The following SNTA1 variants were observed in gnomAD, a reference collection of about 807,000 sequenced individuals.
SNTA1 encodes alpha-1-syntrophin.
In SNTA1, 31 loss-of-function variants were observed where a neutral mutation model predicts 47.1. The ratio of observed to expected loss-of-function variants is 0.66; its 90% CI spans 0.49 to 0.89. The LOEUF (loss-of-function observed/expected upper bound fraction) is 0.89. Ranked by LOEUF, SNTA1 falls within the 40% of genes least tolerant of loss-of-function variation. The pLI is 0.00. For missense variants in SNTA1, 575 were observed against 693.0 expected (o/e 0.83, Z 1.91); for synonymous variants, 300 against 313.6 (o/e 0.96, Z 0.46).
At chr20:33,431,185 C>G (rs899814944) in intron 2 of SNTA1, among the ~76,000 whole-genome samples, 1 of 151,444 alleles carries the variant, frequency 6.6e-6, no homozygotes, top group Non-Finnish European at 1.5e-5. Flanking sequence ...CACTTGAGCC[C>G]AGGAAGTCGA....
Position 33,408,014 on chromosome 20 carries a change from G to A in SNTA1, c.*493C>T, listed in dbSNP as rs945341853. On this transcript the variant is annotated 3_prime_UTR_variant, in exon 8 of 8. Transcript: ENST00000217381. ...TGTTTATTTATCCAAGAGTAAGGAGGAGAGAGACAGGATGAAGAGAAAAAC... is the reference window on the plus strand; with the variant it reads ...TGTTTATTTATCCAAGAGTAAGGAGAAGAGAGACAGGATGAAGAGAAAAAC... 4 of 222,252 alleles carry A rather than the reference G, an allele frequency of 1.8e-5. No individual in the cohort carries two copies. The highest frequency in any genetic ancestry group is 1.0e-4 in the Admixed American group (2 of 19,384). The allele number at this position is 222,252 out of a possible 1,614,324, so 13.8% of individuals were successfully genotyped here.
At chr20:33,425,115 CA>C (rs994797806) in intron 2 of SNTA1, among the ~76,000 whole-genome samples, 79 of 141,326 alleles carry the variant, frequency 5.6e-4, no homozygotes, top group Non-Finnish European at 6.2e-4. Flanking sequence ...GACTCCATCT[CA>C]AAAAAAAAAA....
At chr20:33,430,489 T>TA (rs1990279686) in intron 2 of SNTA1, among the ~76,000 whole-genome samples, 1 of 151,234 alleles carries the variant, frequency 6.6e-6, no homozygotes, top group East Asian at 2.0e-4. Flanking sequence ...TTTACCAGGC[T>TA]AGTCTTGAAC....
chr20:33,424,213 C>T (rs1990106500), intron 2 of SNTA1, among the ~76,000 whole-genome samples: 1 of 148,910 alleles, frequency 6.7e-6, no homozygotes, highest in Non-Finnish European at 1.5e-5. Flanking sequence ...ACTTGGGAGG[C>T]TGAGGCAGGA....
chr20:33,428,180 G>A (rs954402925), intron 2 of SNTA1, among the ~76,000 whole-genome samples: 6 of 152,044 alleles, frequency 3.9e-5, no homozygotes, highest in African/African-American at 1.4e-4. Flanking sequence ...GCCGATGGTG[G>A]GCAGATCACC....
At chr20:33,410,836 C>T (rs1989722227) in intron 5 of SNTA1, among the ~76,000 whole-genome samples, 1 of 152,172 alleles carries the variant, frequency 6.6e-6, no homozygotes, top group Admixed American at 6.5e-5. Context: ...AAATTTTGAT[C>T]TTGTGTTCAC....
chr20:33,427,745 T>C (rs1193298935), intron 2 of SNTA1, among the ~76,000 whole-genome samples: 2 of 152,074 alleles, frequency 1.3e-5, no homozygotes, highest in Non-Finnish European at 2.9e-5. Flanking sequence ...TAGGGACAAC[T>C]TGAATATTCA....
chr20:33,412,028 G>A (rs912811857), intron 5 of SNTA1, among the ~76,000 whole-genome samples: 7 of 152,372 alleles, frequency 4.6e-5, no homozygotes, highest in Admixed American at 3.9e-4. Context: ...GGCAGAAACT[G>A]TTGGGGTCAG....
At chr20:33,412,270 G>A in intron 5 of SNTA1, 26 bp downstream of exon 5, 2 of 1,603,418 alleles carry the variant, frequency 1.2e-6, no homozygotes, top group Non-Finnish European at 1.7e-6. Context: ...TTCTGGGGGA[G>A]ACATACTGCC....
intron 3 of SNTA1, among the ~76,000 whole-genome samples, chr20:33,414,477 C>G (rs1445745355): frequency 3.3e-5 from 5 of 151,636 alleles, no homozygotes; most frequent in Admixed American, 3.3e-4. Context: ...ACCTGTGGTC[C>G]CAGCTACTTG....
chr20:33,426,405 C>A (rs192652048), intron 2 of SNTA1, among the ~76,000 whole-genome samples: 140 of 148,950 alleles, frequency 9.4e-4, no homozygotes, highest in Non-Finnish European at 4.4e-4. Flanking sequence ...GAGCCAGGAT[C>A]GCCCCACTGC....
rs1989648363 is a variant in SNTA1 at position 33,408,452 on chromosome 20, C to G, written c.*55G>C. On this transcript the variant is annotated 3_prime_UTR_variant, in exon 8 of 8. Transcript: ENST00000217381. ...GGTGAGCAGGCAGTCGGTGGAGGCC[C>G]AGCTCAGGCCATGTCATGGACACCC... 5 of 1,302,358 alleles carry G rather than the reference C, an allele frequency of 3.8e-6. No individual in the cohort carries two copies. Among genetic ancestry groups the G allele is most frequent in the Non-Finnish European group, 5.6e-6 (5 of 898,092 alleles). The allele number at this position is 1,302,358 out of a possible 1,614,324, so 80.7% of individuals were successfully genotyped here.
At chr20:33,423,387 C>T (rs1990083294) in intron 2 of SNTA1, among the ~76,000 whole-genome samples, 1 of 152,192 alleles carries the variant, frequency 6.6e-6, no homozygotes, top group African/African-American at 2.4e-5. Flanking sequence ...GCTGCCAAAG[C>T]CTATGGCCTA....
intron 1 of SNTA1, among the ~76,000 whole-genome samples, chr20:33,442,730 G>A (rs1990608370): frequency 6.6e-6 from 1 of 152,236 alleles, no homozygotes; most frequent in African/African-American, 2.4e-5. Context: ...TGTGCAAGGT[G>A]GAGATAGTCA....
In SNTA1 at chr20:33,423,264, C is replaced by T. The variant is rs143488130; in HGVS notation, c.497-5341G>A. Among the ~76,000 whole-genome samples the T allele has an allele frequency of 1.3e-3, 200 of 152,246 alleles. 2 individuals carry two copies. The highest frequency in any genetic ancestry group is 4.5e-3 in the African/African-American group (186 of 41,548). The stretch of plus-strand genomic sequence containing the variant: ...CATTTCACAAACCAAGTGGCCTGTC[C>T]CAGAGTGGGGGTGGGGTCCTGGGGG... On this transcript the variant is annotated intron_variant, in intron 2 of 7. Transcript: ENST00000217381.
intron 6 of SNTA1, 87 bp from the exon 7 acceptor site, chr20:33,408,975 G>A: frequency 5.6e-6 from 7 of 1,254,806 alleles, no homozygotes; most frequent in Non-Finnish European, 8.2e-6. Context: ...CTTACAAAGT[G>A]GGGCCTGAAT....
chr20:33,438,791 G>T, intron 2 of SNTA1, 50 bp downstream of exon 2: 1 of 1,490,262 alleles, frequency 6.7e-7, no homozygotes, highest in African/African-American at 1.4e-5. Context: ...TAGAGAAGCA[G>T]TGGAACACCT....
intron 1 of SNTA1, among the ~76,000 whole-genome samples, chr20:33,441,534 G>A (rs546923886): frequency 1.3e-5 from 2 of 152,096 alleles, no homozygotes; most frequent in African/African-American, 4.8e-5. Context: ...GGAGAGGAAG[G>A]GGTTTCTATT....
chr20:33,415,331 G>A (rs1468948230), intron 3 of SNTA1, among the ~76,000 whole-genome samples: 1 of 152,188 alleles, frequency 6.6e-6, no homozygotes, highest in Non-Finnish European at 1.5e-5. Flanking sequence ...GTCTCTAGAA[G>A]GACTAATACT....
Sources: allele counts gnomAD v4.1 joint callset (sites outside exome capture counted in the v4.1 genomes callset), GRCh38; gene constraint gnomAD v4.1.1; transcripts MANE v1.5; gene names NCBI Gene and HGNC (gene_info 2026-07-23, HGNC 2026-07-21).